Variants in RBFOX1 observed in about 807,000 individuals in gnomAD.
The protein encoded by RBFOX1 is RNA binding protein fox-1 homolog 1.
RBFOX1 carries 8 observed loss-of-function variants against 57.7 expected under a neutral mutation model. That is an observed-to-expected ratio of 0.14 (90% confidence interval 0.08 to 0.25). RBFOX1 has a LOEUF of 0.25. Among genes scored for constraint, RBFOX1 ranks in the 10% least tolerant of loss-of-function variants. The pLI, the probability that RBFOX1 is intolerant of heterozygous loss-of-function variation, is 1.00. For missense variants in RBFOX1, 611 were observed against 548.5 expected, an observed-to-expected ratio of 1.11 and a Z score of -1.14; for synonymous variants, 326 against 222.4, an observed-to-expected ratio of 1.47 and a Z score of -4.15.
At chr16:5,661,246 A>G (rs2049637667) in intron 3 of RBFOX1, among the ~76,000 whole-genome samples, 1 of 140,232 alleles carries the variant, frequency 7.1e-6, no homozygotes, top group South Asian at 2.1e-4. Flanking sequence ...AAAATATAAC[A>G]ATGAGTAATA....
rs907408853 is a variant in RBFOX1, at chr16:5,812,742, A to G, written c.319-54561A>G. On this transcript the variant is annotated intron_variant, in intron 3 of 19. Transcript: ENST00000641259. ...CTTCCAAAGTGCTGGAATTACAGGC[A>G]TGATCCACCACCTTGCTCGGCCCAG... 2.0e-5 allele frequency among the ~76,000 whole-genome samples: 3 copies of G among 152,162 alleles called. No individual in the cohort carries two copies. The South Asian group carries it at 6.2e-4, about 32-fold the overall frequency.
chr16:5,821,064 C>G (rs1253397172), intron 3 of RBFOX1, among the ~76,000 whole-genome samples: 2 of 152,062 alleles, frequency 1.3e-5, no homozygotes, highest in Non-Finnish European at 2.9e-5. Context: ...ACATGCTGCC[C>G]TGAGGTGCTC....
chr16:7,109,266 A>T (rs1168064801), intron 4 of RBFOX1, among the ~76,000 whole-genome samples: 1 of 152,148 alleles, frequency 6.6e-6, no homozygotes, highest in African/African-American at 2.4e-5. Context: ...ATTGGATGCA[A>T]ACGTCTACAA....
At chr16:6,578,627 C>T (rs954871973) in intron 2 of RBFOX1, among the ~76,000 whole-genome samples, 1 of 13,056 alleles carries the variant, frequency 7.7e-5, no homozygotes, top group African/African-American at 1.5e-4. Flanking sequence ...ATGGGAGAAA[C>T]AGAGGGACAT....
chr16:7,333,174 A>G, intron 4 of RBFOX1: 1 of 1,287,148 alleles, frequency 7.8e-7, no homozygotes, highest in Non-Finnish European at 1.1e-6. Context: ...GAAAGCAAAC[A>G]CTTTTAATAC....
At chr16:5,493,471 T>C (rs2042900264) in intron 2 of RBFOX1, among the ~76,000 whole-genome samples, 1 of 152,202 alleles carries the variant, frequency 6.6e-6, no homozygotes, top group South Asian at 2.1e-4. Context: ...ATAGAAAGAA[T>C]TGACTTCCAC....
At chr16:7,133,150 C>A (rs146560055) in intron 4 of RBFOX1, among the ~76,000 whole-genome samples, 1 of 152,172 alleles carries the variant, frequency 6.6e-6, no homozygotes, top group African/African-American at 2.4e-5. Flanking sequence ...GATCCATGAC[C>A]TAGAAAGAGG....
At chr16:6,965,936 G>T (rs939876519) in intron 3 of RBFOX1, among the ~76,000 whole-genome samples, 2 of 152,158 alleles carry the variant, frequency 1.3e-5, no homozygotes, top group African/African-American at 4.8e-5. Context: ...TTAGCATCGG[G>T]GGATCCAGTG....
intron 2 of RBFOX1, among the ~76,000 whole-genome samples, chr16:5,587,032 C>T (rs1189099746): frequency 6.6e-6 from 1 of 152,182 alleles, no homozygotes; most frequent in African/African-American, 2.4e-5. Context: ...TAGAGGAAAA[C>T]CTGGGTCTCA....
At chr16:7,177,839 C>G in intron 4 of RBFOX1, among the ~76,000 whole-genome samples, 1 of 152,182 alleles carries the variant, frequency 6.6e-6, no homozygotes, top group East Asian at 1.9e-4. Context: ...TGGCTGTATT[C>G]CGATAAAACT....
intron 3 of RBFOX1, among the ~76,000 whole-genome samples, chr16:6,878,999 C>T (rs186472732): frequency 6.6e-6 from 1 of 152,206 alleles, no homozygotes; most frequent in African/African-American, 2.4e-5. Flanking sequence ...CATGCAAATG[C>T]TAATAAGCAA....
chr16:6,697,490 A>T (rs2061226892), intron 3 of RBFOX1, among the ~76,000 whole-genome samples: 1 of 152,190 alleles, frequency 6.6e-6, no homozygotes, highest in Admixed American at 6.5e-5. Flanking sequence ...AAACTAAATG[A>T]TGTACAGAAT....
At chr16:5,574,508 C>T (rs181184913) in intron 2 of RBFOX1, among the ~76,000 whole-genome samples, 20 of 152,126 alleles carry the variant, frequency 1.3e-4, no homozygotes, top group African/African-American at 3.1e-4. Flanking sequence ...CTCCACCTCC[C>T]GGGTTCAAGT....
At chr16:6,198,020 A>C (rs947963909) in intron 1 of RBFOX1, among the ~76,000 whole-genome samples, 2 of 152,188 alleles carry the variant, frequency 1.3e-5, no homozygotes, top group Non-Finnish European at 2.9e-5. Context: ...AAAGGTCTTT[A>C]ATCTCTTTCA....
intron 1 of RBFOX1, among the ~76,000 whole-genome samples, chr16:5,381,058 T>G (rs1236040004): frequency 6.6e-6 from 1 of 152,158 alleles, no homozygotes; most frequent in East Asian, 1.9e-4. Context: ...TCGTAGACCA[T>G]GAGTCATTTA....
chr16:7,587,818 A>G (rs35002867), intron 7 of RBFOX1, among the ~76,000 whole-genome samples: 1 of 152,222 alleles, frequency 6.6e-6, no homozygotes, highest in South Asian at 2.1e-4. Context: ...ACCAATTTTT[A>G]AATAGATTCC....
chr16:6,492,157 A>G (rs1270828031), intron 2 of RBFOX1, among the ~76,000 whole-genome samples: 3 of 152,108 alleles, frequency 2.0e-5, no homozygotes, highest in African/African-American at 4.8e-5. Context: ...TTTCCCTTGT[A>G]TATGTGAAAG....
intron 3 of RBFOX1, among the ~76,000 whole-genome samples, chr16:5,697,820 G>A (rs1450166374): frequency 6.6e-6 from 1 of 152,012 alleles, no homozygotes; most frequent in Non-Finnish European, 1.5e-5. Flanking sequence ...TTCCATCCCT[G>A]ACATTAGTGG....
At chr16:6,356,160 G>A (rs2087279773) in intron 2 of RBFOX1, among the ~76,000 whole-genome samples, 1 of 152,212 alleles carries the variant, frequency 6.6e-6, no homozygotes. Flanking sequence ...CTTCATCCTT[G>A]AAGAGGTAGA....
Sources: allele counts gnomAD v4.1 joint callset (sites outside exome capture counted in the v4.1 genomes callset), GRCh38; gene constraint gnomAD v4.1.1; transcripts MANE v1.5; gene names NCBI Gene and HGNC (gene_info 2026-07-23, HGNC 2026-07-21).